PRKAG2: variants seen among roughly 807,000 people sequenced by gnomAD.
The protein encoded by PRKAG2 is 5'-AMP-activated protein kinase subunit gamma-2.
In PRKAG2, 26 loss-of-function variants were observed where a neutral mutation model predicts 69.6. That is an observed-to-expected ratio of 0.37 (90% CI 0.27 to 0.52). The LOEUF is 0.52. Among genes scored for constraint, PRKAG2 ranks in the 20% least tolerant of loss-of-function variants. PRKAG2 has a pLI of 0.90. For synonymous variants in PRKAG2, 293 were observed against 285.0 expected (o/e 1.03, Z -0.28); for missense variants, 557 against 740.0 (o/e 0.75, Z 2.87).
At position 151,637,858 on chromosome 7, in the gene PRKAG2, T is replaced by C. The variant is rs981405847; in HGVS notation, c.685-5720A>G. On this transcript the variant is annotated intron_variant, in intron 4 of 15. Transcript: ENST00000287878. ...AAGCTGGTGGTCGTCGTTGCCCTTT[T>C]ATGGCAATGTTTTCTTAAAGTCTCA... Among the ~76,000 whole-genome samples the C allele has an allele frequency of 5.3e-5, 8 of 152,222 alleles. No homozygotes were observed. In the East Asian group the frequency reaches 9.6e-4, roughly 18 times the overall value.
At chr7:151,827,772 A>AAAAAAAAAC (rs1182409684) in intron 1 of PRKAG2, among the ~76,000 whole-genome samples, 12 of 150,182 alleles carry the variant, frequency 8.0e-5, no homozygotes, top group African/African-American at 2.9e-4. Context: ...AAAAAAAAAA[A>AAAAAAAAAC]AACTGCCTTG....
At chr7:151,769,295 T>C (rs1035001949) in intron 3 of PRKAG2, among the ~76,000 whole-genome samples, 5 of 152,222 alleles carry the variant, frequency 3.3e-5, no homozygotes, top group African/African-American at 1.2e-4. Flanking sequence ...CACTAATTCA[T>C]TTCCTTTCCA....
chr7:151,583,111 C>T lies in PRKAG2; in HGVS notation c.865-6659G>A, dbSNP rs1304097722. ...TCACGGCTCACTGCAGCCTCAACCT[C>T]GTAGGCTCAAGTGATCCTTATGCCT... On this transcript the variant is annotated intron_variant, in intron 6 of 15. Coordinates refer to ENST00000287878, the MANE Select transcript of PRKAG2 (RefSeq NM_016203.4). This position sits in a 1 kb window ranked among gnomAD's most constrained non-coding sequence, Gnocchi z 4.1. Among the ~76,000 whole-genome samples, 1 of 152,322 alleles carries T rather than the reference C, an allele frequency of 6.6e-6. No homozygotes were observed. Among genetic ancestry groups the T allele is most frequent in the East Asian group, 1.9e-4 (1 of 5,192 alleles).
intron 1 of PRKAG2, among the ~76,000 whole-genome samples, chr7:151,838,167 G>A (rs887492662): frequency 2.6e-5 from 4 of 152,090 alleles, no homozygotes; most frequent in African/African-American, 9.7e-5. Context: ...TAGAAGCAAC[G>A]AAGGAAACAC....
intron 10 of PRKAG2, 57 bp from the exon 11 acceptor site, chr7:151,568,899 T>C: frequency 6.3e-7 from 1 of 1,596,302 alleles, no homozygotes; most frequent in Non-Finnish European, 8.6e-7. Flanking sequence ...CAGAACACTT[T>C]GGACTACCCC....
chr7:151,597,606 T>TA lies in PRKAG2; in HGVS notation c.755-2153dup, dbSNP rs558532540. Among the ~76,000 whole-genome samples the TA allele has an allele frequency of 4.4e-3, 664 of 152,096 alleles. 4 individuals are homozygous for TA. The highest frequency in any genetic ancestry group is 6.7e-3 in the Non-Finnish European group (458 of 67,978). On this transcript the variant is annotated intron_variant, in intron 5 of 15. Coordinates refer to ENST00000287878, the MANE Select transcript of PRKAG2 (RefSeq NM_016203.4). ...GGAAAAAAACCCCAAATAATCTGAT[T>TA]AAAAAATGGGCAAAAGAACTGAATA...
At chr7:151,592,551 GCA>G (rs905330633) in intron 6 of PRKAG2, among the ~76,000 whole-genome samples, 11 of 151,966 alleles carry the variant, frequency 7.2e-5, no homozygotes, top group African/African-American at 2.7e-4. Context: ...TCCTGTCTGC[GCA>G]CACTCTTTCA....
intron 14 of PRKAG2, among the ~76,000 whole-genome samples, chr7:151,562,783 A>C (rs1032763343): frequency 2.0e-5 from 3 of 151,762 alleles, no homozygotes; most frequent in African/African-American, 7.3e-5. Flanking sequence ...CTGGCTGACA[A>C]GGTGAAACCC....
rs564133009 is a variant in PRKAG2 at position 151,584,218 on chromosome 7, C to A, written c.865-7766G>T. ...GTTGCCCACCATTGCCATGGAAGGA[C>A]TGTTTTCTGGAGGAAATGCACTGCT... On this transcript the variant is annotated intron_variant, in intron 6 of 15. Transcript: ENST00000287878. 4.6e-5 allele frequency among the ~76,000 whole-genome samples: 7 copies of A among 152,306 alleles called. No homozygotes were observed. In the East Asian group the frequency reaches 1.4e-3, roughly 29 times the overall value.
chr7:151,736,314 C>T lies in PRKAG2; in HGVS notation c.466+44838G>A, dbSNP rs1004183083. The stretch of plus-strand genomic sequence containing the variant: ...TTAAGTAGCAAGAAGCTGCCGGAAG[C>T]GCAAACAGAACTTCGCAGGGGATTT... On this transcript the variant is annotated intron_variant, in intron 3 of 15. Transcript: ENST00000287878. 13 of 1,181,126 alleles carry T rather than the reference C, an allele frequency of 1.1e-5. No homozygotes were observed. The African/African-American group carries it at 1.4e-4, about 13-fold the overall frequency. The allele number at this position is 1,181,126 out of a possible 1,614,324, so 73.2% of individuals were successfully genotyped here. A position where few individuals can be genotyped will look rare whatever the true frequency, so the allele number is the denominator to read the frequency against.
chr7:151,870,000 C>G lies in PRKAG2; in HGVS notation c.114+6507G>C, dbSNP rs543603698. Among the ~76,000 whole-genome samples, 3 of 152,334 alleles carry G rather than the reference C, an allele frequency of 2.0e-5. No homozygotes were observed. The East Asian group carries it at 5.8e-4, about 29-fold the overall frequency. On this transcript the variant is annotated intron_variant, in intron 1 of 15. Transcript: ENST00000287878. ...TGGCCCACACAGGCAGCTCTGGCTA[C>G]AGGCTGGTTTGGGCATTCATCTTTA... is the stretch of plus-strand genomic sequence containing the variant.
chr7:151,633,278 T>A (rs1352400416), intron 4 of PRKAG2: 1 of 152,178 alleles, frequency 6.6e-6, no homozygotes, highest in East Asian at 1.9e-4. Flanking sequence ...ACTAAGATGT[T>A]TCATGGTAAA....
intron 1 of PRKAG2, among the ~76,000 whole-genome samples, chr7:151,843,991 C>A (rs1055998877): frequency 6.6e-6 from 1 of 152,238 alleles, no homozygotes; most frequent in African/African-American, 2.4e-5. Context: ...ATTCCAAGGC[C>A]TCAGCCTGGG....
chr7:151,563,352 T>C (rs7793338), intron 14 of PRKAG2, among the ~76,000 whole-genome samples: 32,481 of 152,154 alleles, frequency 0.21, 4,407 homozygotes, highest in East Asian at 0.43. Flanking sequence ...CTAAGGAAAT[T>C]GGACTGCTGA....
chr7:151,649,743 G>C lies in PRKAG2; in HGVS notation c.685-17605C>G, dbSNP rs554242000. ...GCTCCCGCCACGTGAGGTATGTGCG[G>C]CCCCTTCACCTTCTGCCATGATTAT... On this transcript the variant is annotated intron_variant, in intron 4 of 15. Transcript: ENST00000287878. 2.0e-5 allele frequency among the ~76,000 whole-genome samples: 3 copies of C among 152,204 alleles called. No individual in the cohort carries two copies. The East Asian group carries it at 5.8e-4, about 29-fold the overall frequency.
At chr7:151,602,604 T>C (rs144060604) in intron 5 of PRKAG2, among the ~76,000 whole-genome samples, 139 of 152,318 alleles carry the variant, frequency 9.1e-4, no homozygotes, top group African/African-American at 3.3e-3. Flanking sequence ...TACAAAAAAG[T>C]TGCAAAGCTG....
At chr7:151,820,493 G>A (rs1306636053) in intron 1 of PRKAG2, among the ~76,000 whole-genome samples, 1 of 106,714 alleles carries the variant, frequency 9.4e-6, no homozygotes, top group South Asian at 4.0e-4. Flanking sequence ...TCGGAACACC[G>A]CTCCGTGGCC....
rs959915676 is a variant in PRKAG2, at chr7:151,567,536, C to T, written c.1233+1180G>A. On this transcript the variant is annotated intron_variant, in intron 11 of 15. Transcript: ENST00000287878. The surrounding 1 kb of genome is among the most constrained non-coding windows in gnomAD (Gnocchi z 4.2). ...ATACATCCTTCCCACCCCATGCTCC[C>T]TCTGTTCCTATTAAACTTCAACTAC... 2.0e-5 allele frequency among the ~76,000 whole-genome samples: 3 copies of T among 152,138 alleles called. No individual in the cohort carries two copies. Among genetic ancestry groups the T allele is most frequent in the African/African-American group, 7.2e-5 (3 of 41,416 alleles).
rs577706401 is a variant in PRKAG2, at chr7:151,807,835, T to G, written c.115-21294A>C. Among the ~76,000 whole-genome samples, 1 of 152,106 alleles carries G rather than the reference T, an allele frequency of 6.6e-6. No individual in the cohort carries two copies. The highest frequency in any genetic ancestry group is 1.5e-5 in the Non-Finnish European group (1 of 68,002). On this transcript the variant is annotated intron_variant, in intron 1 of 15. Transcript: ENST00000287878. The surrounding 1 kb of genome is among the most constrained non-coding windows in gnomAD (Gnocchi z 4.4). The stretch of plus-strand genomic sequence containing the variant: ...CAAAAGGCATAGGGGAGAGAAGAGA[T>G]AAATCTGGATGCGGTGGAGACAACG...
Sources: allele counts gnomAD v4.1 joint callset (sites outside exome capture counted in the v4.1 genomes callset), GRCh38; gene constraint gnomAD v4.1.1; non-coding constraint Gnocchi (gnomAD v3.1); transcripts MANE v1.5; gene names NCBI Gene and HGNC (gene_info 2026-07-23, HGNC 2026-07-21).